The following SAMD11 variants were observed in gnomAD, a reference collection of about 807,000 sequenced individuals.
The protein encoded by SAMD11 is sterile alpha motif domain-containing protein 11.
In SAMD11, 77 loss-of-function variants were observed where a neutral mutation model predicts 64.4. The observed-to-expected ratio is 1.20, with a 90% confidence interval of 0.99 to 1.44. The LOEUF (loss-of-function observed/expected upper bound fraction) is 1.44, where lower values mean the gene tolerates loss of function less well. SAMD11 is among the 40% of genes most tolerant of loss of function. The pLI, the probability that SAMD11 is intolerant of heterozygous loss-of-function variation, is 0.00. For missense variants in SAMD11, 1,402 were observed against 943.3 expected (o/e 1.49, Z -6.37); for synonymous variants, 658 against 421.9 (o/e 1.56, Z -6.86).
intron 5 of SAMD11, among the ~76,000 whole-genome samples, chr1:936,685 G>T (rs1018586035): frequency 2.0e-5 from 3 of 152,120 alleles, no homozygotes; most frequent in African/African-American, 4.8e-5. Flanking sequence ...TGGGAAGGAG[G>T]GGTGGGGGAG....
At chr1:936,216 C>T (rs1465375494) in intron 5 of SAMD11, among the ~76,000 whole-genome samples, 1 of 152,154 alleles carries the variant, frequency 6.6e-6, no homozygotes, top group Non-Finnish European at 1.5e-5. Flanking sequence ...GCACGCACTC[C>T]CGCAGCGCAC....
At chr1:941,092 G>T (rs989557570) in intron 7 of SAMD11, 52 bp from the exon 8 acceptor site, 2 of 1,498,612 alleles carry the variant, frequency 1.3e-6, no homozygotes, top group Admixed American at 1.9e-5. Context: ...CGCGGGCTGG[G>T]GAGGATGAGG....
intron 5 of SAMD11, among the ~76,000 whole-genome samples, chr1:937,237 G>A (rs565249547): frequency 6.6e-6 from 1 of 152,236 alleles, no homozygotes; most frequent in South Asian, 2.1e-4. Flanking sequence ...TCCCAGCCCG[G>A]GCCCTCCCGC....
intron 1 of SAMD11, 142 bp from the exon 2 acceptor site, chr1:925,780 G>A: frequency 3.1e-6 from 2 of 642,998 alleles, no homozygotes; most frequent in Non-Finnish European, 5.6e-6. Flanking sequence ...GACGGGAAGC[G>A]GGCTGGGAAG....
chr1:944,390 A>G lies in SAMD11; in HGVS notation c.*237A>G. Reference sequence around the variant, plus strand: ...GAGGGCAGAGGTGGTGGAAGGGGCCAGGGGCCTGCAGGCCTCCCCCTGGAA... The same window carrying G: ...GAGGGCAGAGGTGGTGGAAGGGGCCGGGGGCCTGCAGGCCTCCCCCTGGAA... On this transcript the variant is annotated 3_prime_UTR_variant, in exon 14 of 14. Coordinates refer to ENST00000616016, the MANE Select transcript of SAMD11 (RefSeq NM_001385641.1). The G allele has an allele frequency of 4.7e-6, 6 of 1,275,814 alleles. No individual in the cohort carries two copies. Among genetic ancestry groups the G allele is most frequent in the East Asian group, 2.9e-5 (1 of 34,310 alleles). The allele number at this position is 1,275,814 out of a possible 1,614,324, so 79.0% of individuals were successfully genotyped here.
rs547912043 is a variant in SAMD11 at position 943,952 on chromosome 1, C to T, written c.2334C>T (p.Pro778=). 3.2e-5 allele frequency: 51 copies of T among 1,612,682 alleles called. No individual in the cohort carries two copies. In the East Asian group the frequency reaches 3.3e-4, roughly 11 times the overall value. Residue 778 remains proline (P), a synonymous_variant, in exon 14 of 14, where the codon CCC becomes CCT. Coordinates refer to ENST00000616016, the MANE Select transcript of SAMD11 (RefSeq NM_001385641.1). ...LGRVFYVASF[P]VALPLQPPTL... is the part of the protein sequence containing the mutation. The stretch of plus-strand genomic sequence containing the variant: ...GAGTTTTCTACGTGGCCAGCTTCCC[C>T]GTGGCTCTGCCACTGCAGCCACCAA...
chr1:939,325 C>A lies in SAMD11; in HGVS notation c.1108C>A (p.His370Asn), dbSNP rs544624305. 2.5e-5 allele frequency: 41 copies of A among 1,611,898 alleles called. No individual in the cohort carries two copies. The South Asian group carries it at 2.9e-4, about 11-fold the overall frequency. ...ELGPSMAPEDHYRRLVSALSE... is the reference protein window; with the variant it reads ...ELGPSMAPEDNYRRLVSALSE... The stretch of plus-strand genomic sequence containing the variant: ...GGGGCCCAGCATGGCCCCGGAGGAC[C>A]ATTACCGCCGGCTTGTGTCAGCACT... Residue 370 changes from histidine (H) to asparagine (N), a missense_variant, in exon 7 of 14, where the codon CAT becomes AAT. His to Asn is a moderately conservative substitution (Grantham distance 68). Transcript: ENST00000616016.
rs191719684 is a variant in SAMD11, at chr1:925,912, C to T, written c.518-10C>T. The T allele has an allele frequency of 2.5e-6, 4 of 1,603,510 alleles. No homozygotes were observed. Among genetic ancestry groups the T allele is most frequent in the Admixed American group, 3.3e-5 (2 of 60,012 alleles). On this transcript the variant is annotated splice_polypyrimidine_tract_variant and intron_variant, in intron 1 of 13. Transcript: ENST00000616016. Reference sequence around the variant, plus strand: ...CTCCCTCACAGGGTCTGCCTCGGCTCTGCTCGCAGGGAAAAGTCTGAAGAC... The same window carrying T: ...CTCCCTCACAGGGTCTGCCTCGGCTTTGCTCGCAGGGAAAAGTCTGAAGAC...
Position 930,300 on chromosome 1 carries a change from A to C in SAMD11, c.755A>C (p.Gln252Pro). 1.2e-6 allele frequency: 2 copies of C among 1,608,680 alleles called. No homozygotes were observed. The highest frequency in any genetic ancestry group is 1.7e-6 in the Non-Finnish European group (2 of 1,178,000). ...TGTGGGCGGCGGCCAGGCTTGAAGC[A>C]GGAGGATGGTCCGCACATCCGTATC... Reference protein sequence around the residue: ...PTCGRRPGLKQEDGPHIRIMK... With the variant: ...PTCGRRPGLKPEDGPHIRIMK... Residue 252 changes from glutamine (Q) to proline (P), a missense_variant, in exon 3 of 14, where the codon CAG becomes CCG. Physicochemically the swap from Gln to Pro is moderately conservative, Grantham distance 76. Coordinates refer to ENST00000616016, the MANE Select transcript of SAMD11 (RefSeq NM_001385641.1).
chr1:928,376 A>C lies in SAMD11; in HGVS notation c.610-1779A>C, dbSNP rs1228687014. ...CACCGCACTCCAGCCTGGGCAACAG[A>C]GTGAGACTCCGTCTCAAAAAACTAA... On this transcript the variant is annotated intron_variant, in intron 2 of 13. Transcript: ENST00000616016. Among the ~76,000 whole-genome samples the C allele has an allele frequency of 8.3e-4, 127 of 152,368 alleles. 1 individual carries two copies. The highest frequency in any genetic ancestry group is 3.0e-3 in the African/African-American group (125 of 41,596).
Position 943,368 on chromosome 1 carries a change from G to A in SAMD11, c.2169G>A (p.Glu723=). 6.4e-7 allele frequency: 1 copy of A among 1,556,484 alleles called. No individual in the cohort carries two copies. The highest frequency in any genetic ancestry group is 1.2e-5 in the South Asian group (1 of 83,242). Residue 723 remains glutamate, a synonymous_variant, in exon 12 of 14, where the codon GAG becomes GAA. Coordinates refer to ENST00000616016, the MANE Select transcript of SAMD11 (RefSeq NM_001385641.1). ...SFVGGLSGCG[E]YTRVFREQGI... is the part of the protein sequence containing the mutation. Reference sequence around the variant, plus strand: ...TGGGGGGCCTGTCTGGCTGTGGAGAGTACACTCGGGTAAGGGGGGGCCCCA... The same window carrying A: ...TGGGGGGCCTGTCTGGCTGTGGAGAATACACTCGGGTAAGGGGGGGCCCCA...
At position 935,757 on chromosome 1, in the gene SAMD11, G is replaced by C. The variant is rs1206454604; in HGVS notation, c.843-15G>C. On this transcript the variant is annotated splice_polypyrimidine_tract_variant and intron_variant, in intron 4 of 13. Coordinates refer to ENST00000616016, the MANE Select transcript of SAMD11 (RefSeq NM_001385641.1). ...GCTGCCCACGGGGTCAGCTTTTCCC[G>C]GTCTCGTTCTGCAGCCAGGACGGCA... is the stretch of plus-strand genomic sequence containing the variant. 1.2e-6 allele frequency: 2 copies of C among 1,612,898 alleles called. No individual in the cohort carries two copies. The highest frequency in any genetic ancestry group is 3.3e-5 in the Admixed American group (2 of 59,994).
At position 939,311 on chromosome 1, in the gene SAMD11, T is replaced by C; in HGVS notation, c.1094T>C (p.Met365Thr). ...CTGCCGCGGGAGCTGGGGCCCAGCA[T>C]GGCCCCGGAGGACCATTACCGCCGG... Reference protein sequence around the residue: ...LLLPRELGPSMAPEDHYRRLV... With the variant: ...LLLPRELGPSTAPEDHYRRLV... The change falls in exon 7 of 14, where the codon ATG becomes ACG. Residue 365 changes from methionine to threonine, a missense_variant. Transcript: ENST00000616016. 6.2e-7 allele frequency: 1 copy of C among 1,611,002 alleles called. No individual in the cohort carries two copies. Among genetic ancestry groups the C allele is most frequent in the South Asian group, 1.1e-5 (1 of 90,602 alleles).
At position 942,483 on chromosome 1, in the gene SAMD11, G is replaced by T; in HGVS notation, c.1548G>T (p.Leu516=). Residue 516 remains leucine (L), a synonymous_variant, in exon 10 of 14, where the codon CTG becomes CTT. Coordinates refer to ENST00000616016, the MANE Select transcript of SAMD11 (RefSeq NM_001385641.1). ...WQQELLRKQN[L]ARLELPADLL... is the part of the protein sequence containing the mutation. Reference sequence around the variant, plus strand: ...AGGAGCTCCTGCGGAAGCAGAACCTGGCCCGGTAGGTGCGGGGAGGCGGGC... The same window carrying T: ...AGGAGCTCCTGCGGAAGCAGAACCTTGCCCGGTAGGTGCGGGGAGGCGGGC... The T allele has an allele frequency of 6.7e-7, 1 of 1,482,850 alleles. No homozygotes were observed. Among genetic ancestry groups the T allele is most frequent in the Non-Finnish European group, 8.9e-7 (1 of 1,123,108 alleles). The allele number at this position is 1,482,850 out of a possible 1,614,324, so 91.9% of individuals were successfully genotyped here.
intron 4 of SAMD11, among the ~76,000 whole-genome samples, chr1:932,127 C>T (rs1641194689): frequency 6.6e-6 from 1 of 152,262 alleles, no homozygotes; most frequent in Non-Finnish European, 1.5e-5. Flanking sequence ...ATTTCTACCT[C>T]ATTTTGGGGT....
chr1:942,100 CG>C (rs940241544), intron 8 of SAMD11, 35 bp from the exon 9 acceptor site: 44 of 605,846 alleles, frequency 7.3e-5, no homozygotes, highest in South Asian at 1.5e-4. Flanking sequence ...GGAACGGGGG[CG>C]GGGGGGACGC....
chr1:925,141 C>A (rs57924093), intron 1 of SAMD11, 193 bp downstream of exon 1: 119,126 of 152,228 alleles, frequency 0.78, 51,328 homozygotes, highest in Non-Finnish European at 0.97. Flanking sequence ...CTCCCCCCAG[C>A]TTGGGCCACA....
At chr1:926,330 G>A (rs1188679697) in intron 2 of SAMD11, among the ~76,000 whole-genome samples, 2 of 152,238 alleles carry the variant, frequency 1.3e-5, no homozygotes, top group Non-Finnish European at 2.9e-5. Context: ...TCCCTGGGAG[G>A]AGTAATTCAA....
At chr1:943,492 C>A (rs984922045) in intron 12 of SAMD11, 115 bp downstream of exon 12, 1 of 1,024,508 alleles carries the variant, frequency 9.8e-7, no homozygotes, top group Non-Finnish European at 1.4e-6. Flanking sequence ...TCCCCAAAAG[C>A]AGTGCGCAGC....
Sources: allele counts gnomAD v4.1 joint callset (sites outside exome capture counted in the v4.1 genomes callset), GRCh38; gene constraint gnomAD v4.1.1; transcripts MANE v1.5; gene names NCBI Gene and HGNC (gene_info 2026-07-23, HGNC 2026-07-21).